NRXN3: variants seen among roughly 807,000 people sequenced by gnomAD.
NRXN3 encodes the protein neurexin 3, also known as neurexin III.
In NRXN3, 32 loss-of-function variants were observed where a neutral mutation model predicts 137.6. The ratio of observed to expected loss-of-function variants is 0.23; its 90% CI spans 0.18 to 0.31. NRXN3 has a LOEUF of 0.31. NRXN3 is among the 10% of genes least tolerant of loss of function. NRXN3 has a pLI of 1.00. For synonymous variants in NRXN3, 798 were observed against 784.5 expected (o/e 1.02, Z -0.29); for missense variants, 1,574 against 2,062.5 (o/e 0.76, Z 4.59).
intron 4 of NRXN3, among the ~76,000 whole-genome samples, chr14:78,501,491 G>A (rs1057509183): frequency 1.2e-4 from 18 of 152,124 alleles, no homozygotes; most frequent in African/African-American, 4.3e-4. Flanking sequence ...ATAGTCTTTG[G>A]TAAGCTAAAC....
intron 8 of NRXN3, among the ~76,000 whole-genome samples, chr14:78,776,423 C>A (rs1193780381): frequency 6.6e-6 from 1 of 151,898 alleles, no homozygotes; most frequent in Non-Finnish European, 1.5e-5. Flanking sequence ...TTTGTATAAA[C>A]CCGAGCAGAT....
intron 10 of NRXN3, among the ~76,000 whole-genome samples, chr14:78,879,370 C>T (rs867765174): frequency 5.3e-5 from 8 of 152,112 alleles, no homozygotes; most frequent in African/African-American, 1.9e-4. Context: ...TAATACTTAT[C>T]TTTTATCTTT....
chr14:79,076,799 A>C (rs1302353034), intron 15 of NRXN3, among the ~76,000 whole-genome samples: 1 of 152,192 alleles, frequency 6.6e-6, no homozygotes, highest in East Asian at 1.9e-4. Context: ...TGAAATAGAC[A>C]TTAGACAAAT....
At chr14:79,584,030 C>T (rs1567574582) in intron 16 of NRXN3, among the ~76,000 whole-genome samples, 1 of 152,176 alleles carries the variant, frequency 6.6e-6, no homozygotes, top group African/African-American at 2.4e-5. Context: ...ATGAAGTCAT[C>T]ATAGACTTGC....
intron 4 of NRXN3, among the ~76,000 whole-genome samples, chr14:78,639,910 G>C (rs1031429282): frequency 6.6e-6 from 1 of 152,130 alleles, no homozygotes; most frequent in Non-Finnish European, 1.5e-5. Context: ...GATTAAGAAG[G>C]CATTTGGAAA....
chr14:79,319,286 G>T (rs776118328), intron 15 of NRXN3, among the ~76,000 whole-genome samples: 2 of 152,076 alleles, frequency 1.3e-5, no homozygotes. Flanking sequence ...ATCATTTCTT[G>T]AGCTAGAAGC....
Position 78,565,327 on chromosome 14 carries a change from G to A in NRXN3, c.758-79793G>A, listed in dbSNP as rs12586229. The stretch of plus-strand genomic sequence containing the variant: ...GCTCTACCACCAGGATTTCTCAGAA[G>A]CTCTTTCTCCACACTGAACCCTAAA... On this transcript the variant is annotated intron_variant, in intron 4 of 20. Coordinates refer to ENST00000335750, the MANE Select transcript of NRXN3 (RefSeq NM_001330195.2). 4.8e-3 allele frequency among the ~76,000 whole-genome samples: 738 copies of A among 152,304 alleles called. 19 individuals are homozygous for A. In the East Asian group the frequency reaches 0.092, roughly 19 times the overall value.
intron 10 of NRXN3, among the ~76,000 whole-genome samples, chr14:78,889,598 T>A (rs1287297228): frequency 1.3e-5 from 2 of 152,156 alleles, no homozygotes; most frequent in East Asian, 3.9e-4. Flanking sequence ...ATTTACTTAC[T>A]CAACACAAAT....
Position 79,828,651 on chromosome 14 carries a change from CTTT to C in NRXN3, c.4093+23474_4093+23476del, listed in dbSNP as rs199609069. Among the ~76,000 whole-genome samples, 99 of 110,710 alleles carry C rather than the reference CTTT, an allele frequency of 8.9e-4. 1 individual carries two copies. The highest frequency in any genetic ancestry group is 1.3e-3 in the African/African-American group (36 of 28,158). The allele number at this position is 110,710 out of a possible 152,430, so 72.6% of individuals were successfully genotyped here. A position where few individuals can be genotyped will look rare whatever the true frequency, so the allele number is the denominator to read the frequency against. On this transcript the variant is annotated intron_variant, in intron 20 of 20. Coordinates refer to ENST00000335750, the MANE Select transcript of NRXN3 (RefSeq NM_001330195.2). ...AAAAAAAAAAAAAAAGTAAAATTGT[CTTT>C]TTTTTTTTTTTTGCGTACCAAATCC...
At chr14:79,220,476 A>G (rs576389976) in intron 15 of NRXN3, among the ~76,000 whole-genome samples, 17 of 152,160 alleles carry the variant, frequency 1.1e-4, no homozygotes, top group Admixed American at 5.9e-4. Context: ...CCCAAAGTAC[A>G]TAGTTTACAC....
chr14:78,384,392 A>G (rs190170994), intron 4 of NRXN3, among the ~76,000 whole-genome samples: 70 of 152,200 alleles, frequency 4.6e-4, no homozygotes, highest in Admixed American at 1.4e-3. Context: ...CCAACCCCCA[A>G]TGACAGTCAT....
intron 10 of NRXN3, among the ~76,000 whole-genome samples, chr14:78,952,958 C>A (rs971937417): frequency 6.6e-6 from 1 of 152,160 alleles, no homozygotes; most frequent in Non-Finnish European, 1.5e-5. Flanking sequence ...TGCGTATGAG[C>A]AAACCCATCT....
At chr14:79,269,846 A>G (rs1311906134) in intron 15 of NRXN3, among the ~76,000 whole-genome samples, 1 of 152,226 alleles carries the variant, frequency 6.6e-6, no homozygotes, top group African/African-American at 2.4e-5. Context: ...AATTGTTAAT[A>G]AGTCTACAGA....
intron 4 of NRXN3, among the ~76,000 whole-genome samples, chr14:78,414,458 G>A (rs780055567): frequency 6.6e-5 from 10 of 152,200 alleles, no homozygotes; most frequent in Non-Finnish European, 1.2e-4. Flanking sequence ...AGACGGGCAA[G>A]TTGGCTGCCA....
At chr14:79,780,145 C>T (rs1173464168) in intron 19 of NRXN3, among the ~76,000 whole-genome samples, 2 of 151,834 alleles carry the variant, frequency 1.3e-5, no homozygotes, top group East Asian at 1.9e-4. Flanking sequence ...TCCACAAGTA[C>T]CTCTGGCCTT....
intron 15 of NRXN3, among the ~76,000 whole-genome samples, chr14:79,460,924 A>G (rs931835428): frequency 5.9e-5 from 9 of 152,184 alleles, no homozygotes; most frequent in Non-Finnish European, 8.8e-5. Context: ...ATGTTGCTTT[A>G]TTTAAGGCTG....
chr14:78,872,127 ATG>A, intron 10 of NRXN3, among the ~76,000 whole-genome samples: 1 of 151,520 alleles, frequency 6.6e-6, no homozygotes, highest in Non-Finnish European at 1.5e-5. Flanking sequence ...TTTTATTTTG[ATG>A]TCTTTACATT....
intron 16 of NRXN3, among the ~76,000 whole-genome samples, chr14:79,523,176 T>C (rs1322459611): frequency 6.6e-6 from 1 of 152,188 alleles, no homozygotes; most frequent in Non-Finnish European, 1.5e-5. Context: ...GATTTTTTTT[T>C]CCTGATTTTT....
intron 2 of NRXN3, among the ~76,000 whole-genome samples, chr14:78,249,208 G>A (rs112656826): frequency 3.9e-5 from 6 of 152,210 alleles, no homozygotes; most frequent in East Asian, 1.9e-4. Flanking sequence ...TGCAGAAACC[G>A]CCCACCAGCT....
Sources: allele counts gnomAD v4.1 joint callset (sites outside exome capture counted in the v4.1 genomes callset), GRCh38; gene constraint gnomAD v4.1.1; transcripts MANE v1.5; gene names NCBI Gene and HGNC (gene_info 2026-07-23, HGNC 2026-07-21).